The following HERC2 variants were observed in gnomAD, a reference collection of about 807,000 sequenced individuals.
The protein encoded by HERC2 is HECT and RLD domain containing E3 ubiquitin protein ligase 2.
In HERC2, 102 loss-of-function variants were observed where a neutral mutation model predicts 537.7. The ratio of observed to expected loss-of-function variants is 0.19; its 90% CI spans 0.16 to 0.22. The LOEUF (loss-of-function observed/expected upper bound fraction) is 0.22, where lower values mean the gene tolerates loss of function less well. Ranked by LOEUF, HERC2 falls within the 10% of genes least tolerant of loss-of-function variation. The pLI, the probability that HERC2 is intolerant of heterozygous loss-of-function variation, is 1.00. For synonymous variants in HERC2, 2,224 were observed against 2,466.2 expected (o/e 0.90, Z 2.91); for missense variants, 4,236 against 6,198.2 (o/e 0.68, Z 10.63).
chr15:28,116,372 G>T (rs1239152255), intron 88 of HERC2, among the ~76,000 whole-genome samples: 1 of 151,764 alleles, frequency 6.6e-6, no homozygotes, highest in African/African-American at 2.4e-5. Flanking sequence ...TGCCACCACA[G>T]CCAGCTAATT....
intron 90 of HERC2, 36 bp downstream of exon 90, chr15:28,114,573 CTAT>C (rs770854655): frequency 6.3e-7 from 1 of 1,583,700 alleles, no homozygotes; most frequent in South Asian, 1.1e-5. Context: ...GCTACTTTTG[CTAT>C]TTATGTCAAT....
Position 28,269,427 on chromosome 15 carries a change from G to A in HERC2, c.1267C>T (p.Gln423Ter). 1 of 1,610,344 alleles carries A rather than the reference G, an allele frequency of 6.2e-7. No homozygotes were observed. Among genetic ancestry groups the A allele is most frequent in the Non-Finnish European group, 8.5e-7 (1 of 1,176,996 alleles). ...SSPTSHKGSL[Q>*]EVIGWGLIGW... ...ATTAACCCCCAACCTATGACCTCTT[G>A]CAATGATCCCTGTAAGATAAGAAAG... Residue 423 changes from glutamine to a stop codon, truncating the protein, a stop_gained, in exon 11 of 93, where the codon CAA becomes TAA. Coordinates refer to ENST00000261609, the MANE Select transcript of HERC2 (RefSeq NM_004667.6). LOFTEE classifies it high-confidence loss of function.
chr15:28,146,188 C>A, intron 71 of HERC2, 49 bp downstream of exon 71: 1 of 1,264,094 alleles, frequency 7.9e-7, no homozygotes. Context: ...GTTGTGTCTA[C>A]GGAGACACAG....
intron 12 of HERC2, among the ~76,000 whole-genome samples, chr15:28,267,853 T>C (rs2075611139): frequency 6.6e-6 from 1 of 152,200 alleles, no homozygotes; most frequent in African/African-American, 2.4e-5. Context: ...CCACAAGAAA[T>C]GGGCTTGCTG....
rs1385287814 is a variant in HERC2 at position 28,231,547 on chromosome 15, A to G, written c.4676-1047T>C. Among the ~76,000 whole-genome samples the G allele has an allele frequency of 1.4e-4, 21 of 152,234 alleles. No homozygotes were observed. In the East Asian group the frequency reaches 3.9e-3, roughly 28 times the overall value. The stretch of plus-strand genomic sequence containing the variant: ...CTCAGGTGCGCTGGCCTGGTTAACA[A>G]TTCTTCACACATGATATGACACTGT... On this transcript the variant is annotated intron_variant, in intron 30 of 92. Transcript: ENST00000261609.
chr15:28,242,645 C>T (rs990505491), intron 23 of HERC2, among the ~76,000 whole-genome samples: 2 of 152,140 alleles, frequency 1.3e-5, no homozygotes, highest in Non-Finnish European at 2.9e-5. Flanking sequence ...AAAATTACAA[C>T]TACAGATGCA....
intron 11 of HERC2, 120 bp downstream of exon 11, chr15:28,269,128 A>G (rs1596356379): frequency 4.1e-6 from 3 of 734,878 alleles, no homozygotes; most frequent in Middle Eastern, 3.9e-4. Flanking sequence ...TATACAATAA[A>G]CAGAACTTTG....
intron 69 of HERC2, among the ~76,000 whole-genome samples, chr15:28,161,325 G>A (rs1434095930): frequency 6.6e-6 from 1 of 151,944 alleles, no homozygotes; most frequent in African/African-American, 2.4e-5. Context: ...TCTAACTAAA[G>A]CCAAAAATCC....
chr15:28,212,016 C>CA (rs1899293138), intron 43 of HERC2, among the ~76,000 whole-genome samples: 1 of 152,166 alleles, frequency 6.6e-6, no homozygotes, highest in South Asian at 2.1e-4. Context: ...AGGCTACAGT[C>CA]ACAGTCTTAG....
intron 69 of HERC2, among the ~76,000 whole-genome samples, chr15:28,154,345 G>T (rs1385157567): frequency 6.6e-6 from 1 of 152,026 alleles, no homozygotes; most frequent in African/African-American, 2.4e-5. Flanking sequence ...ATCTAAATTT[G>T]TCTCTCTTTT....
intron 6 of HERC2, among the ~76,000 whole-genome samples, 159 bp from the exon 7 acceptor site, chr15:28,274,606 C>T (rs112048244): frequency 4.9e-4 from 75 of 152,348 alleles, no homozygotes; most frequent in African/African-American, 1.7e-3. Context: ...CTGTGTTTCA[C>T]GGCTGTCACA....
chr15:28,296,242 G>A (rs1461907215), intron 3 of HERC2, among the ~76,000 whole-genome samples: 4 of 152,100 alleles, frequency 2.6e-5, no homozygotes, highest in African/African-American at 7.2e-5. Flanking sequence ...TTGGGAGGCC[G>A]AGGTGGGCAG....
intron 2 of HERC2, among the ~76,000 whole-genome samples, chr15:28,302,784 CTGTT>C (rs1470574519): frequency 4.0e-5 from 6 of 149,520 alleles, no homozygotes; most frequent in East Asian, 2.0e-4. Context: ...TTCGTACTGC[CTGTT>C]TGTCATTTGT....
Position 28,186,746 on chromosome 15 carries a change from T to C in HERC2, c.8656A>G (p.Arg2886Gly). 1 of 1,611,818 alleles carries C rather than the reference T, an allele frequency of 6.2e-7. No homozygotes were observed. Among genetic ancestry groups the C allele is most frequent in the Non-Finnish European group, 8.5e-7 (1 of 1,178,062 alleles). ...TGCTTTATAGCAATTTCAATATACC[T>C]GTGATACTAGACACAAAAACCATGA... ...PLLNDCTEYHRYIEIAIKQCR... is the reference protein window; with the variant it reads ...PLLNDCTEYHGYIEIAIKQCR... Residue 2886 changes from arginine (R) to glycine (G), a missense_variant, in exon 56 of 93, where the codon AGG (arginine) becomes GGG (glycine). Transcript: ENST00000261609.
rs77452472 is a variant in HERC2 at position 28,314,382 on chromosome 15, T to C, written c.72+6980A>G. On this transcript the variant is annotated intron_variant, in intron 2 of 92. Transcript: ENST00000261609. ...CAATGGGGTGAGGGAAGTGGGAAAG[T>C]GAGACAAGGAGATCAATGAAGCAAC... 7.5e-4 allele frequency among the ~76,000 whole-genome samples: 114 copies of C among 152,188 alleles called. No individual in the cohort carries two copies. The East Asian group carries it at 0.016, about 21-fold the overall frequency.
At position 28,113,548 on chromosome 15, in the gene HERC2, C is replaced by G; in HGVS notation, c.14019+25G>C. The stretch of plus-strand genomic sequence containing the variant: ...CAGCAGGCAAAAGGCAGCTGCAGGG[C>G]AGCCCCACCTGGGGGTCGGCATACC... On this transcript the variant is annotated intron_variant, in intron 91 of 92. Coordinates refer to ENST00000261609, the MANE Select transcript of HERC2 (RefSeq NM_004667.6). The surrounding 1 kb of genome is among the most constrained non-coding windows in gnomAD (Gnocchi z 7.0). 1 of 1,595,668 alleles carries G rather than the reference C, an allele frequency of 6.3e-7. No individual in the cohort carries two copies.
rs561877894 is a variant in HERC2 at position 28,265,399 on chromosome 15, C to T, written c.1870+219G>A. Among the ~76,000 whole-genome samples, 1 of 152,212 alleles carries T rather than the reference C, an allele frequency of 6.6e-6. No homozygotes were observed. The highest frequency in any genetic ancestry group is 2.1e-4 in the South Asian group (1 of 4,822). Reference sequence around the variant, plus strand: ...CTCTCATTCTTAAAAAATAAAATGCCCACACAGGAACGGCGGCAGCTGCTA... The same window carrying T: ...CTCTCATTCTTAAAAAATAAAATGCTCACACAGGAACGGCGGCAGCTGCTA... On this transcript the variant is annotated intron_variant, in intron 14 of 92. Transcript: ENST00000261609. This position sits in a 1 kb window ranked among gnomAD's most constrained non-coding sequence, Gnocchi z 4.0.
At chr15:28,139,897 A>G (rs981556643) in intron 78 of HERC2, among the ~76,000 whole-genome samples, 1 of 121,138 alleles carries the variant, frequency 8.3e-6, no homozygotes, top group Non-Finnish European at 1.5e-5. Flanking sequence ...CATCTCTACT[A>G]AAAAAAAAAA....
intron 58 of HERC2, 43 bp from the exon 59 acceptor site, chr15:28,179,073 A>T: frequency 1.9e-6 from 3 of 1,603,892 alleles, no homozygotes; most frequent in Non-Finnish European, 1.7e-6. Flanking sequence ...TTTTCACAAC[A>T]TTAAAAACTT....
Sources: gnomAD v4.1 joint callset for allele counts (sites outside exome capture counted in the v4.1 genomes callset) on GRCh38, gnomAD v4.1.1 for gene constraint, Gnocchi (gnomAD v3.1) non-coding constraint, MANE v1.5 for transcripts, NCBI Gene and HGNC (gene_info 2026-07-23, HGNC 2026-07-21) for gene names.